Variants in BLACAT1 observed in about 807,000 individuals in gnomAD.
The protein encoded by BLACAT1 is BLACAT1 overlapping LEMD1 locus, also known as bladder cancer associated transcript 1.
intron 1 of BLACAT1, among the ~76,000 whole-genome samples, chr1:205,452,773 G>A (rs931105216): frequency 2.0e-5 from 3 of 152,158 alleles, no homozygotes; most frequent in Admixed American, 2.0e-4. Flanking sequence ...ACATTAGGAA[G>A]ATACTAAATA....
chr1:205,444,055 G>T (rs554389177), intron 1 of BLACAT1, among the ~76,000 whole-genome samples: 2 of 152,066 alleles, frequency 1.3e-5, no homozygotes, highest in African/African-American at 2.4e-5. Flanking sequence ...GTCTATTTGA[G>T]GGGGAGGAGT....
At position 205,450,782 on chromosome 1, in the gene BLACAT1, C is replaced by G. The variant is rs1182108989; in HGVS notation, c.-37+5135G>C. ...CTAAGGTGTGTCTGGGCCAGAGGGA[C>G]TGGGCTGGGGATGGAGGTGGGGACA... On this transcript the variant is annotated intron_variant, in intron 1 of 1. Coordinates refer to ENST00000629624, the Ensembl canonical transcript of BLACAT1. The surrounding 1 kb of genome is among the most constrained non-coding windows in gnomAD (Gnocchi z 4.4). Among the ~76,000 whole-genome samples, 1 of 152,210 alleles carries G rather than the reference C, an allele frequency of 6.6e-6. No homozygotes were observed. Among genetic ancestry groups the G allele is most frequent in the Non-Finnish European group, 1.5e-5 (1 of 68,038 alleles).
Position 205,450,495 on chromosome 1 carries a change from C to T in BLACAT1, c.-37+5422G>A, listed in dbSNP as rs1291862611. The stretch of plus-strand genomic sequence containing the variant: ...GCCCTGGTTCCTCTCCTCACCCATA[C>T]CCCTATTCTGCTCCCACCACTCCCC... On this transcript the variant is annotated intron_variant, in intron 1 of 1. Coordinates refer to ENST00000629624, the Ensembl canonical transcript of BLACAT1. The surrounding 1 kb of genome is among the most constrained non-coding windows in gnomAD (Gnocchi z 4.4). 6.6e-6 allele frequency among the ~76,000 whole-genome samples: 1 copy of T among 151,364 alleles called. No individual in the cohort carries two copies. Among genetic ancestry groups the T allele is most frequent in the Non-Finnish European group, 1.5e-5 (1 of 67,836 alleles).
chr1:205,444,959 C>A (rs1364101943), intron 1 of BLACAT1, among the ~76,000 whole-genome samples: 2 of 151,722 alleles, frequency 1.3e-5, no homozygotes, highest in Non-Finnish European at 2.9e-5. Context: ...CTCGACGCCT[C>A]TAGAACAAAG....
rs753815846 is a variant in BLACAT1, at chr1:205,448,254, G to A, written c.-36-7192C>T. 1 of 503,952 alleles carries A rather than the reference G, an allele frequency of 2.0e-6. No homozygotes were observed. The highest frequency in any genetic ancestry group is 2.1e-5 in the Admixed American group (1 of 48,662). 31.2% of individuals were successfully genotyped at this position (503,952 alleles called of 1,614,324 possible). Reference sequence around the variant, plus strand: ...AAGCCTCCTTCTGGTGCCCCTTGGTGGCTGGCTCCGAACCTGGTCCCATGG... The same window carrying A: ...AAGCCTCCTTCTGGTGCCCCTTGGTAGCTGGCTCCGAACCTGGTCCCATGG... On this transcript the variant is annotated intron_variant, in intron 1 of 1. Coordinates refer to ENST00000629624, the Ensembl canonical transcript of BLACAT1. This position sits in a 1 kb window ranked among gnomAD's most constrained non-coding sequence, Gnocchi z 4.7.
chr1:205,450,650 C>T lies in BLACAT1; in HGVS notation c.-37+5267G>A, dbSNP rs1049427576. On this transcript the variant is annotated intron_variant, in intron 1 of 1. Coordinates refer to ENST00000629624, the Ensembl canonical transcript of BLACAT1. The surrounding 1 kb of genome is among the most constrained non-coding windows in gnomAD (Gnocchi z 4.4). ...GATTCCCAGCCATAGCCTGCCAATCCCAGCTGCCTATCCCTGGGCACATGA... is the reference window on the plus strand; with the variant it reads ...GATTCCCAGCCATAGCCTGCCAATCTCAGCTGCCTATCCCTGGGCACATGA... Among the ~76,000 whole-genome samples the T allele has an allele frequency of 2.0e-5, 3 of 152,160 alleles. No homozygotes were observed. Among genetic ancestry groups the T allele is most frequent in the Admixed American group, 2.0e-4 (3 of 15,282 alleles).
intron 1 of BLACAT1, among the ~76,000 whole-genome samples, chr1:205,447,468 ACT>A (rs1265027730): frequency 6.6e-6 from 1 of 151,980 alleles, no homozygotes; most frequent in Admixed American, 6.5e-5. Context: ...CAGACTGGGG[ACT>A]GGAACAGGGA....
At chr1:205,449,757 C>G (rs1023902308) in intron 1 of BLACAT1, 1 of 153,224 alleles carries the variant, frequency 6.5e-6, no homozygotes, top group South Asian at 2.1e-4. Flanking sequence ...CATGGGCCCC[C>G]AGAACCCCAG....
At chr1:205,445,416 G>C (rs1291784316) in intron 1 of BLACAT1, among the ~76,000 whole-genome samples, 1 of 152,226 alleles carries the variant, frequency 6.6e-6, no homozygotes, top group Non-Finnish European at 1.5e-5. Flanking sequence ...CATTCTCCTT[G>C]GAGGTTAACT....
At chr1:205,439,489 T>C (rs1666258702), downstream of BLACAT1, among the ~76,000 whole-genome samples, 1 of 152,162 alleles carries the variant, frequency 6.6e-6, no homozygotes, top group Non-Finnish European at 1.5e-5. Flanking sequence ...GCTGCCAGCA[T>C]AGAATGTGCC....
chr1:205,451,398 C>T (rs944942874), intron 1 of BLACAT1, among the ~76,000 whole-genome samples: 1 of 152,208 alleles, frequency 6.6e-6, no homozygotes, highest in Non-Finnish European at 1.5e-5. Flanking sequence ...TCTGCCCCAA[C>T]AGAGGCCCCA....
At chr1:205,435,470 C>T (rs902290524), downstream of BLACAT1, 2 of 152,194 alleles carry the variant, frequency 1.3e-5, no homozygotes, top group Non-Finnish European at 1.5e-5. Flanking sequence ...AGAATATATG[C>T]TATTTTGCTT....
At chr1:205,452,532 A>G (rs556764045) in intron 1 of BLACAT1, among the ~76,000 whole-genome samples, 7 of 152,300 alleles carry the variant, frequency 4.6e-5, no homozygotes, top group African/African-American at 1.7e-4. Context: ...TCTCAGACCC[A>G]CTGCCTGGCA....
chr1:205,444,846 G>C (rs1196304575), intron 1 of BLACAT1, among the ~76,000 whole-genome samples: 1 of 151,854 alleles, frequency 6.6e-6, no homozygotes, highest in Non-Finnish European at 1.5e-5. Flanking sequence ...CCAAGGCAGA[G>C]AGCAGAGGCA....
At position 205,450,101 on chromosome 1, in the gene BLACAT1, G is replaced by A. The variant is rs963533721; in HGVS notation, c.-37+5816C>T. Among the ~76,000 whole-genome samples the A allele has an allele frequency of 4.0e-5, 6 of 151,590 alleles. No homozygotes were observed. The highest frequency in any genetic ancestry group is 8.8e-5 in the Non-Finnish European group (6 of 67,966). Reference sequence around the variant, plus strand: ...CGGCCCCTCCCCCAGCCCTGAGGACGGTGGGGGTGGGGGTGGGGGCGGGCT... The same window carrying A: ...CGGCCCCTCCCCCAGCCCTGAGGACAGTGGGGGTGGGGGTGGGGGCGGGCT... On this transcript the variant is annotated intron_variant, in intron 1 of 1. Coordinates refer to ENST00000629624, the Ensembl canonical transcript of BLACAT1. This position sits in a 1 kb window ranked among gnomAD's most constrained non-coding sequence, Gnocchi z 4.4.
downstream of BLACAT1, among the ~76,000 whole-genome samples, chr1:205,439,595 T>A (rs530115824): frequency 1.0e-3 from 153 of 152,344 alleles, 1 homozygote; most frequent in African/African-American, 3.6e-3. Context: ...AGGGGAGCCC[T>A]GACTCTCCTA....
At chr1:205,455,508 T>C (rs1296532965) in intron 1 of BLACAT1, among the ~76,000 whole-genome samples, 1 of 152,054 alleles carries the variant, frequency 6.6e-6, no homozygotes, top group East Asian at 1.9e-4. Flanking sequence ...AGCCCCTTCC[T>C]CATACCACTC....
At chr1:205,455,640 G>A (rs532950224) in intron 1 of BLACAT1, among the ~76,000 whole-genome samples, 3 of 152,258 alleles carry the variant, frequency 2.0e-5, no homozygotes, top group Admixed American at 2.0e-4. Context: ...AATCCCACCA[G>A]CGGCAAAATC....
At chr1:205,439,208 T>A (rs964715166), downstream of BLACAT1, among the ~76,000 whole-genome samples, 15 of 152,256 alleles carry the variant, frequency 9.9e-5, no homozygotes, top group Admixed American at 9.8e-4. Context: ...AGGGAGTTTT[T>A]CTTCTGTCCT....
Sources: gnomAD v4.1 joint callset for allele counts (sites outside exome capture counted in the v4.1 genomes callset) on GRCh38, gnomAD v4.1.1 for gene constraint, Gnocchi (gnomAD v3.1) non-coding constraint, MANE v1.5 for transcripts, NCBI Gene and HGNC (gene_info 2026-07-23, HGNC 2026-07-21) for gene names.